The following MANBAL variants were observed in gnomAD, a reference collection of about 807,000 sequenced individuals.
MANBAL encodes the protein protein MANBAL.
MANBAL carries 1 observed loss-of-function variant against 6.4 expected under a neutral mutation model. That is an observed-to-expected ratio of 0.16 (90% CI 0.06 to 0.74). The LOEUF (loss-of-function observed/expected upper bound fraction) is 0.74, where lower values mean the gene tolerates loss of function less well. Ranked by LOEUF, MANBAL falls within the 30% of genes least tolerant of loss-of-function variation. The pLI is 0.78. For synonymous variants in MANBAL, 47 were observed against 45.8 expected, an observed-to-expected ratio of 1.03 and a Z score of -0.10; for missense variants, 100 against 107.8, an observed-to-expected ratio of 0.93 and a Z score of 0.32.
At chr20:37,292,444 G>C (rs1345387750) in intron 1 of MANBAL, among the ~76,000 whole-genome samples, 1 of 152,146 alleles carries the variant, frequency 6.6e-6, no homozygotes. Flanking sequence ...TGGGATTACA[G>C]GCACCTACCA....
intron 2 of MANBAL, among the ~76,000 whole-genome samples, chr20:37,305,520 C>T (rs923463131): frequency 3.9e-5 from 6 of 152,154 alleles, no homozygotes; most frequent in African/African-American, 1.4e-4. Flanking sequence ...CATCATACCC[C>T]CCTACCCACT....
chr20:37,299,509 A>T (rs1305855652), intron 1 of MANBAL, among the ~76,000 whole-genome samples: 1 of 152,252 alleles, frequency 6.6e-6, no homozygotes, highest in African/African-American at 2.4e-5. Flanking sequence ...CTTAATAGTC[A>T]TGTGTGGCTC....
At chr20:37,293,332 G>C (rs886189810) in intron 1 of MANBAL, among the ~76,000 whole-genome samples, 3 of 152,166 alleles carry the variant, frequency 2.0e-5, no homozygotes, top group African/African-American at 7.2e-5. Flanking sequence ...GGGAGACAGT[G>C]ACAGATCATC....
chr20:37,296,594 G>A (rs1423867199), intron 1 of MANBAL, among the ~76,000 whole-genome samples: 2 of 152,218 alleles, frequency 1.3e-5, no homozygotes, highest in African/African-American at 2.4e-5. Context: ...ATTGTTGGAC[G>A]CCTGGGTTGC....
At chr20:37,296,088 A>G (rs1242730855) in intron 1 of MANBAL, among the ~76,000 whole-genome samples, 1 of 152,230 alleles carries the variant, frequency 6.6e-6, no homozygotes, top group Non-Finnish European at 1.5e-5. Context: ...ACCTTTGGCC[A>G]CATGTGGCTT....
chr20:37,306,470 G>A (rs1004668157), intron 2 of MANBAL, among the ~76,000 whole-genome samples: 1 of 152,162 alleles, frequency 6.6e-6, no homozygotes, highest in Non-Finnish European at 1.5e-5. Flanking sequence ...AGGAGCAAGA[G>A]TCAATTTGTA....
intron 1 of MANBAL, chr20:37,296,851 G>A (rs6131013): frequency 1.3e-5 from 2 of 152,318 alleles, no homozygotes; most frequent in Admixed American, 1.3e-4. Flanking sequence ...GAGGTCAAGA[G>A]ATTATTAGCC....
Position 37,316,292 on chromosome 20 carries a change from T to G in MANBAL, c.151-16T>G. ...TGATCCATCTAAGCAGGACTCTCCT[T>G]TTTATCACCTCACAGGAGGCTGAAC... On this transcript the variant is annotated splice_polypyrimidine_tract_variant and intron_variant, in intron 2 of 2. Coordinates refer to ENST00000373606, the MANE Select transcript of MANBAL (RefSeq NM_001003897.2). 6.2e-7 allele frequency: 1 copy of G among 1,611,752 alleles called. No homozygotes were observed. Among genetic ancestry groups the G allele is most frequent in the Non-Finnish European group, 8.5e-7 (1 of 1,178,856 alleles).
intron 2 of MANBAL, among the ~76,000 whole-genome samples, chr20:37,307,966 T>A (rs1055121271): frequency 6.6e-6 from 1 of 152,172 alleles, no homozygotes; most frequent in Admixed American, 6.5e-5. Flanking sequence ...CCGCAGGGCC[T>A]CCGGAAGTGG....
chr20:37,304,533 C>T (rs2069214447), intron 2 of MANBAL, among the ~76,000 whole-genome samples: 1 of 152,232 alleles, frequency 6.6e-6, no homozygotes, highest in East Asian at 1.9e-4. Flanking sequence ...TTCCCCCCTT[C>T]ATTAAATAAA....
At chr20:37,303,548 T>A (rs1025285270) in intron 2 of MANBAL, among the ~76,000 whole-genome samples, 4 of 152,218 alleles carry the variant, frequency 2.6e-5, no homozygotes, top group Non-Finnish European at 5.9e-5. Flanking sequence ...CAAAATGATG[T>A]ATCTGCTAGA....
chr20:37,303,233 C>G (rs1415658176), intron 2 of MANBAL, among the ~76,000 whole-genome samples: 1 of 152,192 alleles, frequency 6.6e-6, no homozygotes, highest in African/African-American at 2.4e-5. Context: ...TGTACATTTC[C>G]TGCCCCAGTC....
At chr20:37,297,915 G>C (rs956673582) in intron 1 of MANBAL, among the ~76,000 whole-genome samples, 1 of 152,188 alleles carries the variant, frequency 6.6e-6, no homozygotes, top group Non-Finnish European at 1.5e-5. Flanking sequence ...AAAGTGCTGG[G>C]ATTACAGGCG....
intron 1 of MANBAL, among the ~76,000 whole-genome samples, chr20:37,293,564 C>G (rs2068921981): frequency 6.6e-6 from 1 of 152,098 alleles, no homozygotes; most frequent in East Asian, 1.9e-4. Flanking sequence ...CCTAACAGGC[C>G]ATGGACTGGT....
chr20:37,295,207 G>A (rs1239823146), intron 1 of MANBAL, among the ~76,000 whole-genome samples: 1 of 152,148 alleles, frequency 6.6e-6, no homozygotes, highest in Non-Finnish European at 1.5e-5. Flanking sequence ...GGAAACAGAG[G>A]CATAGGCTTA....
At chr20:37,293,600 G>A (rs747813586) in intron 1 of MANBAL, among the ~76,000 whole-genome samples, 13 of 152,150 alleles carry the variant, frequency 8.5e-5, no homozygotes, top group Non-Finnish European at 1.6e-4. Context: ...GGGGGTTGGG[G>A]ACCTGTGTTC....
chr20:37,291,133 G>T (rs2068857884), intron 1 of MANBAL, among the ~76,000 whole-genome samples: 1 of 152,138 alleles, frequency 6.6e-6, no homozygotes, highest in South Asian at 2.1e-4. Flanking sequence ...TGTCTCAGTG[G>T]TTTTTTATTT....
chr20:37,316,431 G>A lies in MANBAL; in HGVS notation c.*16G>A. The A allele has an allele frequency of 6.2e-7, 1 of 1,607,866 alleles. No homozygotes were observed. The highest frequency in any genetic ancestry group is 1.1e-5 in the South Asian group (1 of 90,810). On this transcript the variant is annotated 3_prime_UTR_variant, in exon 3 of 3. Coordinates refer to ENST00000373606, the MANE Select transcript of MANBAL (RefSeq NM_001003897.2). Reference sequence around the variant, plus strand: ...GAAGCGGTAGAAGAGGAGGCCTGAGGAGCTGGGCGGGCAGGGAGAGGGTCT... The same window carrying A: ...GAAGCGGTAGAAGAGGAGGCCTGAGAAGCTGGGCGGGCAGGGAGAGGGTCT...
At position 37,316,451 on chromosome 20, in the gene MANBAL, G is replaced by A; in HGVS notation, c.*36G>A. On this transcript the variant is annotated 3_prime_UTR_variant, in exon 3 of 3. Transcript: ENST00000373606. ...CTGAGGAGCTGGGCGGGCAGGGAGA[G>A]GGTCTTGGGGACAGCCCTCCTGGGA... 1 of 1,574,430 alleles carries A rather than the reference G, an allele frequency of 6.4e-7. No individual in the cohort carries two copies. The highest frequency in any genetic ancestry group is 8.7e-7 in the Non-Finnish European group (1 of 1,151,254).
Sources: allele counts gnomAD v4.1 joint callset (sites outside exome capture counted in the v4.1 genomes callset), GRCh38; gene constraint gnomAD v4.1.1; transcripts MANE v1.5; gene names NCBI Gene and HGNC (gene_info 2026-07-23, HGNC 2026-07-21).